Variants in SLC26A2 observed in about 807,000 individuals in gnomAD.
The protein encoded by SLC26A2 is sulfate transporter.
A neutral mutation model predicts 41.1 loss-of-function variants in SLC26A2; 36 were observed. The observed-to-expected ratio is 0.88, with a 90% CI of 0.67 to 1.16. SLC26A2 has a LOEUF of 1.16. Among genes scored for constraint, SLC26A2 ranks in the 50% most tolerant of loss-of-function variants. The pLI is 0.00. For missense variants in SLC26A2, 796 were observed against 869.6 expected (o/e 0.92, Z 1.07); for synonymous variants, 291 against 311.6 (o/e 0.93, Z 0.70).
intron 1 of SLC26A2, among the ~76,000 whole-genome samples, chr5:149,977,287 T>C (rs1293716428): frequency 2.0e-5 from 3 of 152,102 alleles, no homozygotes; most frequent in Non-Finnish European, 4.4e-5. Flanking sequence ...TGGTAGCATA[T>C]GTATGGAAAG....
rs1755132922 is a variant in SLC26A2 at position 149,982,804 on chromosome 5, G to T, written c.*991G>T. 6.6e-6 allele frequency: 1 copy of T among 152,122 alleles called. No homozygotes were observed. Among genetic ancestry groups the T allele is most frequent in the Non-Finnish European group, 1.5e-5 (1 of 68,022 alleles). The allele number at this position is 152,122 out of a possible 1,614,324, so 9.4% of individuals were successfully genotyped here. On this transcript the variant is annotated 3_prime_UTR_variant, in exon 3 of 3. Transcript: ENST00000286298. Reference sequence around the variant, plus strand: ...CAAGTCACCTAAAGCTATTATGCAGGAGGATTTAGAAGTCACATTCATAAA... The same window carrying T: ...CAAGTCACCTAAAGCTATTATGCAGTAGGATTTAGAAGTCACATTCATAAA...
Position 149,980,960 on chromosome 5 carries a change from C to G in SLC26A2, c.1367C>G (p.Ser456Cys). Residue 456 changes from serine to cysteine, a missense_variant, in exon 3 of 3, where the codon TCT becomes TGT. Physicochemically the swap from Ser to Cys is moderately radical, Grantham distance 112. Coordinates refer to ENST00000286298, the MANE Select transcript of SLC26A2 (RefSeq NM_000112.4). ...KESTGCHTQLSGVVTALVLLL... is the reference protein window; with the variant it reads ...KESTGCHTQLCGVVTALVLLL... ...TCAACAGGCTGCCATACTCAGCTTTCTGGTGTGGTAACAGCCCTGGTTCTT... is the reference window on the plus strand; with the variant it reads ...TCAACAGGCTGCCATACTCAGCTTTGTGGTGTGGTAACAGCCCTGGTTCTT... 1 of 1,614,174 alleles carries G rather than the reference C, an allele frequency of 6.2e-7. No homozygotes were observed. The highest frequency in any genetic ancestry group is 1.7e-5 in the Admixed American group (1 of 60,026).
chr5:149,975,220 A>G (rs1351759425), intron 1 of SLC26A2, among the ~76,000 whole-genome samples: 1 of 152,034 alleles, frequency 6.6e-6, no homozygotes, highest in Non-Finnish European at 1.5e-5. Context: ...TTTTGAGTTC[A>G]TCGATTCTTT....
intron 1 of SLC26A2, among the ~76,000 whole-genome samples, chr5:149,966,222 C>T (rs1754802935): frequency 6.6e-6 from 1 of 152,082 alleles, no homozygotes; most frequent in South Asian, 2.1e-4. Flanking sequence ...TTATTTCTTA[C>T]CAAAAAATCA....
chr5:149,984,855 G>A lies in SLC26A2; in HGVS notation c.*3042G>A, dbSNP rs895798104. 1.3e-5 allele frequency: 2 copies of A among 152,214 alleles called. No individual in the cohort carries two copies. Among genetic ancestry groups the A allele is most frequent in the African/African-American group, 4.8e-5 (2 of 41,444 alleles). The allele number at this position is 152,214 out of a possible 1,614,324, so 9.4% of individuals were successfully genotyped here. On this transcript the variant is annotated 3_prime_UTR_variant, in exon 3 of 3. Transcript: ENST00000286298. ...AATGGTTATTTAATTGAAACGTAGT[G>A]TGGTATACTCTTGATGGTTAGAACT...
intron 1 of SLC26A2, among the ~76,000 whole-genome samples, chr5:149,965,799 A>G (rs925012219): frequency 6.6e-6 from 1 of 152,208 alleles, no homozygotes; most frequent in Non-Finnish European, 1.5e-5. Flanking sequence ...AGACTGGCAT[A>G]GGCAATCTAT....
intron 1 of SLC26A2, among the ~76,000 whole-genome samples, chr5:149,969,485 T>G (rs1466394074): frequency 6.6e-6 from 1 of 152,218 alleles, no homozygotes; most frequent in East Asian, 1.9e-4. Flanking sequence ...CTGCTTCCTA[T>G]CTTTCCATTT....
chr5:149,961,310 T>C (rs1264990742), intron 1 of SLC26A2, among the ~76,000 whole-genome samples: 1 of 152,108 alleles, frequency 6.6e-6, no homozygotes, highest in East Asian at 1.9e-4. Context: ...AACCTAGATA[T>C]CTGGAATAGG....
chr5:149,981,559 A>G lies in SLC26A2; in HGVS notation c.1966A>G (p.Ile656Val), dbSNP rs751334225. Residue 656 changes from isoleucine to valine, a missense_variant, in exon 3 of 3, where the codon ATT becomes GTT. Physicochemically the swap from Ile to Val is conservative, Grantham distance 29. Coordinates refer to ENST00000286298, the MANE Select transcript of SLC26A2 (RefSeq NM_000112.4). ...TACTATAGTGATTGACTGCAGTGCA[A>G]TTCAATTTTTAGATACAGCAGGGAT... is the stretch of plus-strand genomic sequence containing the variant. ...LHTIVIDCSAIQFLDTAGIHT... is the reference protein window; with the variant it reads ...LHTIVIDCSAVQFLDTAGIHT... 6.2e-7 allele frequency: 1 copy of G among 1,613,878 alleles called. No homozygotes were observed. Among genetic ancestry groups the G allele is most frequent in the African/African-American group, 1.3e-5 (1 of 74,864 alleles).
intron 1 of SLC26A2, among the ~76,000 whole-genome samples, chr5:149,975,062 T>A (rs1754969876): frequency 6.6e-6 from 1 of 152,182 alleles, no homozygotes; most frequent in Non-Finnish European, 1.5e-5. Context: ...CTTCTTTTGG[T>A]ATTCTAATTA....
At chr5:149,962,677 A>G (rs1754733121) in intron 1 of SLC26A2, among the ~76,000 whole-genome samples, 1 of 152,150 alleles carries the variant, frequency 6.6e-6, no homozygotes, top group African/African-American at 2.4e-5. Flanking sequence ...GATTGACAGA[A>G]GGATAATCAC....
chr5:149,977,891 G>A lies in SLC26A2; in HGVS notation c.239G>A (p.Cys80Tyr). 1.2e-6 allele frequency: 2 copies of A among 1,614,218 alleles called. No homozygotes were observed. The highest frequency in any genetic ancestry group is 1.3e-5 in the African/African-American group (1 of 75,054). ...VIKKLQKNCQ[C>Y]SPAKAKNMIL... ...AAAAAGCTGCAGAAGAATTGCCAGTGCAGTCCAGCCAAAGCCAAAAATATG... is the reference window on the plus strand; with the variant it reads ...AAAAAGCTGCAGAAGAATTGCCAGTACAGTCCAGCCAAAGCCAAAAATATG... Residue 80 changes from cysteine to tyrosine, a missense_variant, in exon 2 of 3, where the codon TGC becomes TAC. Transcript: ENST00000286298.
Position 149,978,126 on chromosome 5 carries a change from T to C in SLC26A2, c.474T>C (p.Arg158=), listed in dbSNP as rs374572095. 2.0e-4 allele frequency: 318 copies of C among 1,606,068 alleles called. No individual in the cohort carries two copies. The highest frequency in any genetic ancestry group is 2.4e-4 in the Non-Finnish European group (286 of 1,175,132). ...SIIYFLLGTS[R]HISVGIFGVL... is the part of the protein sequence containing the mutation. ...TTTATTTTCTCTTGGGTACCTCCCG[T>C]CACATCTCTGTGGGCATTTTTGGAG... The change falls in exon 2 of 3, where the codon CGT becomes CGC. Residue 158 remains arginine, a synonymous_variant. Coordinates refer to ENST00000286298, the MANE Select transcript of SLC26A2 (RefSeq NM_000112.4).
At chr5:149,977,210 T>A (rs1755006676) in intron 1 of SLC26A2, among the ~76,000 whole-genome samples, 1 of 152,186 alleles carries the variant, frequency 6.6e-6, no homozygotes, top group South Asian at 2.1e-4. Context: ...AAGGTTAAGG[T>A]AGGGGTTAAG....
chr5:149,971,608 C>T (rs572585219), intron 1 of SLC26A2, among the ~76,000 whole-genome samples: 1 of 152,118 alleles, frequency 6.6e-6, no homozygotes, highest in Non-Finnish European at 1.5e-5. Context: ...TCATGTTGCC[C>T]AGGCTGATCT....
chr5:149,961,812 G>A (rs969171808), intron 1 of SLC26A2, among the ~76,000 whole-genome samples: 2 of 151,948 alleles, frequency 1.3e-5, no homozygotes, highest in Non-Finnish European at 2.9e-5. Flanking sequence ...AGAAATGGAG[G>A]GCCAAAGCTG....
rs1755200184 is a variant in SLC26A2, at chr5:149,986,383, GT to G, written c.*4573del. 6.6e-6 allele frequency: 1 copy of G among 151,980 alleles called. No homozygotes were observed. The highest frequency in any genetic ancestry group is 1.5e-5 in the Non-Finnish European group (1 of 67,996). The allele number at this position is 151,980 out of a possible 1,614,324, so 9.4% of individuals were successfully genotyped here. A position where few individuals can be genotyped will look rare whatever the true frequency, so the allele number is the denominator to read the frequency against. Reference sequence around the variant, plus strand: ...AAAGGACAAAATAATATACCAGCTGGTTTGTTATTATAGTCCGTGTATTAAA... The same window carrying G: ...AAAGGACAAAATAATATACCAGCTGGTTGTTATTATAGTCCGTGTATTAAA... On this transcript the variant is annotated 3_prime_UTR_variant, in exon 3 of 3. Coordinates refer to ENST00000286298, the MANE Select transcript of SLC26A2 (RefSeq NM_000112.4).
At chr5:149,964,847 T>C (rs372712641) in intron 1 of SLC26A2, among the ~76,000 whole-genome samples, 82 of 152,336 alleles carry the variant, frequency 5.4e-4, no homozygotes, top group African/African-American at 1.7e-3. Context: ...ATACAGGAAC[T>C]GTGTACTATT....
chr5:149,964,593 C>T (rs1281449238), intron 1 of SLC26A2, among the ~76,000 whole-genome samples: 6 of 151,936 alleles, frequency 3.9e-5, no homozygotes, highest in Non-Finnish European at 7.4e-5. Flanking sequence ...CTGGCTAACA[C>T]GGTGAAACTC....
Sources: allele counts gnomAD v4.1 joint callset (sites outside exome capture counted in the v4.1 genomes callset), GRCh38; gene constraint gnomAD v4.1.1; transcripts MANE v1.5; gene names NCBI Gene and HGNC (gene_info 2026-07-23, HGNC 2026-07-21).